Variants in NRXN2 observed in about 807,000 individuals in gnomAD.
NRXN2 encodes neurexin-2-beta.
A neutral mutation model predicts 128.8 loss-of-function variants in NRXN2; 29 were observed. That is an observed-to-expected ratio of 0.23 (90% CI 0.17 to 0.31). NRXN2 has a LOEUF of 0.31. NRXN2 is among the 10% of genes least tolerant of loss of function. NRXN2 has a pLI of 1.00. For synonymous variants in NRXN2, 1,098 were observed against 1,075.2 expected (o/e 1.02, Z -0.41); for missense variants, 1,881 against 2,452.6 (o/e 0.77, Z 4.92).
At position 64,675,867 on chromosome 11, in the gene NRXN2, C is replaced by T. The variant is rs547920320; in HGVS notation, c.1197+1126G>A. 1.7e-4 allele frequency: 26 copies of T among 154,256 alleles called. No homozygotes were observed. The South Asian group carries it at 5.3e-3, about 32-fold the overall frequency. The allele number at this position is 154,256 out of a possible 1,614,324, so 9.6% of individuals were successfully genotyped here. A position where few individuals can be genotyped will look rare whatever the true frequency, so the allele number is the denominator to read the frequency against. The stretch of plus-strand genomic sequence containing the variant: ...AGTCACCAGCAGAGCCTCGCACACA[C>T]AGTACAGCTTCCCACTAACACCCCG... On this transcript the variant is annotated intron_variant, in intron 7 of 22. Coordinates refer to ENST00000265459, the MANE Select transcript of NRXN2 (RefSeq NM_015080.4).
chr11:64,626,481 C>G lies in NRXN2; in HGVS notation c.3829G>C (p.Glu1277Gln). ...TAATTACCTTTGTCGAGCAGCCACT[C>G]ATCTACTACTCGACCAAGCCGGTAG... ...IPYRLGRVVD[E>Q]WLLDKGRQLT... Residue 1277 changes from glutamate (E) to glutamine (Q), a missense_variant, in exon 20 of 23, where the codon GAG (glutamate) becomes CAG (glutamine). This residue lies in a region of NRXN2 where 390 missense variants were observed against 599.6 expected (regional missense o/e 0.65). Transcript: ENST00000265459. 6.2e-7 allele frequency: 1 copy of G among 1,612,614 alleles called. No homozygotes were observed. Among genetic ancestry groups the G allele is most frequent in the Non-Finnish European group, 8.5e-7 (1 of 1,178,622 alleles).
chr11:64,697,441 C>T lies in NRXN2; in HGVS notation c.748+334G>A, dbSNP rs559127392. Among the ~76,000 whole-genome samples the T allele has an allele frequency of 7.2e-5, 11 of 152,256 alleles. 1 individual carries two copies. Among genetic ancestry groups the T allele is most frequent in the Admixed American group, 2.6e-4 (4 of 15,304 alleles). On this transcript the variant is annotated intron_variant, in intron 3 of 22. Coordinates refer to ENST00000265459, the MANE Select transcript of NRXN2 (RefSeq NM_015080.4). ...GCTTCCTAACTTAGGCTGGGCTAAA[C>T]GTTGTCTACCCACTCACTTCTGGGC...
chr11:64,623,029 G>A lies in NRXN2; in HGVS notation c.3897C>T (p.Gly1299=). Residue 1299 remains glycine, a synonymous_variant, in exon 21 of 23, where the codon GGC becomes GGT. Coordinates refer to ENST00000265459, the MANE Select transcript of NRXN2 (RefSeq NM_015080.4). The surrounding 1 kb of genome is among the most constrained non-coding windows in gnomAD (Gnocchi z 4.9). ...CCTGGAAGGGGCGGCCCTGATCCCG[G>A]CCCCCGATCTTGATGGCAGCCTGGC... ...FNSQAAIKIG[G]RDQGRPFQGQ... is the part of the protein sequence containing the mutation. 1 of 1,611,010 alleles carries A rather than the reference G, an allele frequency of 6.2e-7. No homozygotes were observed. Among genetic ancestry groups the A allele is most frequent in the Non-Finnish European group, 8.5e-7 (1 of 1,178,882 alleles).
At chr11:64,686,045 G>A (rs1273292056) in intron 5 of NRXN2, 98 bp from the exon 6 acceptor site, 1 of 1,346,908 alleles carries the variant, frequency 7.4e-7, no homozygotes, top group Non-Finnish European at 1.0e-6. Flanking sequence ...CTGGTCCTGG[G>A]CACCAGGAGC....
intron 2 of NRXN2, among the ~76,000 whole-genome samples, chr11:64,710,237 T>TCA (rs943531381): frequency 1.1e-4 from 17 of 151,728 alleles, no homozygotes; most frequent in African/African-American, 2.7e-4. Context: ...TGACTCTCTC[T>TCA]CACACACACA....
intron 2 of NRXN2, among the ~76,000 whole-genome samples, chr11:64,702,663 C>A (rs1204481830): frequency 2.0e-5 from 3 of 151,542 alleles, no homozygotes; most frequent in Non-Finnish European, 2.9e-5. Context: ...ACAAACACTG[C>A]GGAAGGCCGC....
At chr11:64,610,225 GA>G (rs2040409205) in intron 22 of NRXN2, among the ~76,000 whole-genome samples, 1 of 152,020 alleles carries the variant, frequency 6.6e-6, no homozygotes, top group South Asian at 2.1e-4. Context: ...CCTAGATTTT[GA>G]AACCCCAGGG....
chr11:64,686,769 C>T (rs1188779322), intron 5 of NRXN2, among the ~76,000 whole-genome samples: 1 of 152,176 alleles, frequency 6.6e-6, no homozygotes, highest in East Asian at 1.9e-4. Context: ...CAGGCCTGGG[C>T]CTTGTGTGTG....
intron 9 of NRXN2, chr11:64,661,414 T>G: frequency 7.3e-7 from 1 of 1,363,580 alleles, no homozygotes; most frequent in Non-Finnish European, 9.5e-7. Flanking sequence ...CCTCCCCACC[T>G]CAGCAAGTCC....
chr11:64,608,202 G>T, intron 22 of NRXN2, 120 bp from the exon 23 acceptor site: 1 of 802,904 alleles, frequency 1.2e-6, no homozygotes, highest in Non-Finnish European at 2.0e-6. Flanking sequence ...TGGCTTTGGC[G>T]GAGACTAGAG....
At chr11:64,644,610 C>T (rs2135428837) in intron 17 of NRXN2, among the ~76,000 whole-genome samples, 1 of 152,272 alleles carries the variant, frequency 6.6e-6, no homozygotes, top group African/African-American at 2.4e-5. Context: ...CCTTTCCCGT[C>T]ACCGGGTCGT....
intron 15 of NRXN2, 117 bp from the exon 16 acceptor site, chr11:64,649,024 T>G (rs1422467638): frequency 9.6e-7 from 1 of 1,042,812 alleles, no homozygotes; most frequent in Non-Finnish European, 1.5e-6. Flanking sequence ...CATCCCAGAT[T>G]CCAGGTCCCT....
At chr11:64,703,182 A>G (rs2055747511) in intron 2 of NRXN2, among the ~76,000 whole-genome samples, 1 of 152,138 alleles carries the variant, frequency 6.6e-6, no homozygotes, top group African/African-American at 2.4e-5. Context: ...GAAATATCCA[A>G]AAGTGAGGAC....
At position 64,685,829 on chromosome 11, in the gene NRXN2, G is replaced by A. The variant is rs771149141; in HGVS notation, c.969C>T (p.Arg323=). 1 of 1,614,254 alleles carries A rather than the reference G, an allele frequency of 6.2e-7. No homozygotes were observed. Among genetic ancestry groups the A allele is most frequent in the South Asian group, 1.1e-5 (1 of 91,092 alleles). Residue 323 remains arginine (R), a synonymous_variant, in exon 6 of 23, where the codon CGC becomes CGT. Coordinates refer to ENST00000265459, the MANE Select transcript of NRXN2 (RefSeq NM_015080.4). The part of the protein sequence containing the change: ...EITLAFRTLQ[R]NGLMLHTGKS... The stretch of plus-strand genomic sequence containing the variant: ...TGCCTGTATGCAGCATCAGGCCGTT[G>A]CGTTGCAGGGTGCGGAAGGCCAGTG...
chr11:64,720,349 G>A (rs557253057), intron 1 of NRXN2, among the ~76,000 whole-genome samples: 188 of 152,374 alleles, frequency 1.2e-3, no homozygotes, highest in African/African-American at 2.8e-3. Flanking sequence ...GGTGGGTGGC[G>A]TGTGAGGACA....
intron 4 of NRXN2, 69 bp downstream of exon 4, chr11:64,692,775 GAGA>G (rs2053994785): frequency 3.9e-6 from 6 of 1,554,864 alleles, no homozygotes; most frequent in Admixed American, 1.7e-5. Flanking sequence ...GAAGGACAGG[GAGA>G]AGAACAGAAA....
At chr11:64,626,942 T>C (rs775222923) in intron 19 of NRXN2, among the ~76,000 whole-genome samples, 2 of 152,138 alleles carry the variant, frequency 1.3e-5, no homozygotes, top group African/African-American at 4.8e-5. Flanking sequence ...CAGGTTTAAG[T>C]TGGGGGCGGG....
chr11:64,709,102 G>C (rs1206892872), intron 2 of NRXN2, among the ~76,000 whole-genome samples: 2 of 149,634 alleles, frequency 1.3e-5, no homozygotes, highest in African/African-American at 4.9e-5. Context: ...TGAGGCAGGA[G>C]AATCGCTTGA....
At chr11:64,645,527 A>C (rs72925194) in intron 17 of NRXN2, among the ~76,000 whole-genome samples, 2,232 of 152,142 alleles carry the variant, frequency 0.015, 24 homozygotes, top group Non-Finnish European at 0.025. Flanking sequence ...CCTCGGTCCC[A>C]AATCTCAGCC....
Sources: gnomAD v4.1 joint callset for allele counts (sites outside exome capture counted in the v4.1 genomes callset) on GRCh38, gnomAD v4.1.1 for gene constraint, gnomAD v4.1.1 regional missense constraint, Gnocchi (gnomAD v3.1) non-coding constraint, MANE v1.5 for transcripts, NCBI Gene and HGNC (gene_info 2026-07-23, HGNC 2026-07-21) for gene names.